ARHGAP12: variants seen among roughly 807,000 people sequenced by gnomAD.
The protein encoded by ARHGAP12 is rho GTPase-activating protein 12.
Under a neutral mutation model 108.6 loss-of-function variants are expected in ARHGAP12, and 64 were observed. That is an observed-to-expected ratio of 0.59 (90% confidence interval 0.48 to 0.73). The LOEUF is 0.73. Among genes scored for constraint, ARHGAP12 ranks in the 30% least tolerant of loss-of-function variants. ARHGAP12 has a pLI of 0.00. For synonymous variants in ARHGAP12, 312 were observed against 337.2 expected (o/e 0.93, Z 0.82); for missense variants, 940 against 1,005.9 (o/e 0.93, Z 0.89).
chr10:31,823,293 G>T (rs925146914), intron 11 of ARHGAP12, among the ~76,000 whole-genome samples: 3 of 152,126 alleles, frequency 2.0e-5, no homozygotes, highest in African/African-American at 7.2e-5. Context: ...TATGTTAAGT[G>T]ATATAGCAAT....
intron 9 of ARHGAP12, among the ~76,000 whole-genome samples, chr10:31,838,283 C>T (rs1394735644): frequency 1.3e-5 from 2 of 152,006 alleles, no homozygotes; most frequent in African/African-American, 4.8e-5. Flanking sequence ...GGTAGGACAA[C>T]AAGCAAGAAG....
intron 3 of ARHGAP12, among the ~76,000 whole-genome samples, chr10:31,897,855 A>G (rs2491272): frequency 0.46 from 70,175 of 152,038 alleles, 16,476 homozygotes; most frequent in Middle Eastern, 0.51. Context: ...GCTGGGTTCA[A>G]TGGCTCACTC....
At chr10:31,897,401 A>G (rs372804549) in intron 3 of ARHGAP12, among the ~76,000 whole-genome samples, 4 of 152,208 alleles carry the variant, frequency 2.6e-5, no homozygotes, top group Non-Finnish European at 5.9e-5. Context: ...ACAGAACACT[A>G]TCCCCTTCCC....
intron 1 of ARHGAP12, among the ~76,000 whole-genome samples, chr10:31,912,092 C>T (rs551278743): frequency 6.6e-5 from 10 of 152,326 alleles, no homozygotes; most frequent in Admixed American, 5.2e-4. Flanking sequence ...TCGTTACTTT[C>T]ATGCATTACC....
At chr10:31,913,855 G>C (rs1305297023) in intron 1 of ARHGAP12, 1 of 146,084 alleles carries the variant, frequency 6.8e-6, no homozygotes, top group South Asian at 2.2e-4. Context: ...GTCTTTTTTT[G>C]TACAGTTAAT....
chr10:31,873,935 A>G (rs1442016310), intron 3 of ARHGAP12, among the ~76,000 whole-genome samples: 1 of 152,214 alleles, frequency 6.6e-6, no homozygotes, highest in African/African-American at 2.4e-5. Context: ...ACATGCGATG[A>G]CCTGGTACAC....
chr10:31,849,781 G>A (rs998286952), intron 6 of ARHGAP12, among the ~76,000 whole-genome samples: 2 of 152,136 alleles, frequency 1.3e-5, no homozygotes, highest in African/African-American at 4.8e-5. Context: ...AGGATTCAAC[G>A]CTGGTCACAA....
At chr10:31,867,114 T>G (rs897053912) in intron 3 of ARHGAP12, among the ~76,000 whole-genome samples, 2 of 150,338 alleles carry the variant, frequency 1.3e-5, no homozygotes, top group African/African-American at 5.0e-5. Flanking sequence ...GTTTTCTTTT[T>G]TTTGTTTTTT....
rs531484244 is a variant in ARHGAP12 at position 31,852,437 on chromosome 10, A to G, written c.1170+80T>C. On this transcript the variant is annotated intron_variant, in intron 6 of 19. Coordinates refer to ENST00000344936, the MANE Select transcript of ARHGAP12 (RefSeq NM_018287.7). ...TTGTAAAAGTAGAATAAAGATCTTA[A>G]AATAAATCTGCTGAAACCATCTCCA... is the stretch of plus-strand genomic sequence containing the variant. The G allele has an allele frequency of 8.5e-5, 96 of 1,134,804 alleles. No homozygotes were observed. The African/African-American group carries it at 1.4e-3, about 16-fold the overall frequency. The allele number at this position is 1,134,804 out of a possible 1,614,324, so 70.3% of individuals were successfully genotyped here.
At chr10:31,839,584 A>C in intron 8 of ARHGAP12, 53 bp downstream of exon 8, 1 of 1,469,518 alleles carries the variant, frequency 6.8e-7, no homozygotes, top group East Asian at 2.3e-5. Context: ...AACTTGCTAA[A>C]ATTGATTGAA....
At chr10:31,898,078 C>T (rs192993097) in intron 3 of ARHGAP12, among the ~76,000 whole-genome samples, 34 of 152,190 alleles carry the variant, frequency 2.2e-4, no homozygotes, top group Admixed American at 1.6e-3. Flanking sequence ...GAGCCATGAT[C>T]GCACCACTGC....
chr10:31,918,146 G>A (rs1043430261), intron 1 of ARHGAP12, among the ~76,000 whole-genome samples: 1 of 151,800 alleles, frequency 6.6e-6, no homozygotes, highest in Non-Finnish European at 1.5e-5. Flanking sequence ...TAGAGATGAG[G>A]GTCTTGCTAT....
intron 6 of ARHGAP12, among the ~76,000 whole-genome samples, chr10:31,844,869 T>G (rs1836394897): frequency 1.3e-5 from 2 of 152,120 alleles, no homozygotes; most frequent in African/African-American, 2.4e-5. Flanking sequence ...ATATTTTGAC[T>G]CTTTATGGAT....
chr10:31,831,840 C>A (rs753259954), intron 9 of ARHGAP12, 40 bp from the exon 10 acceptor site: 3 of 1,306,076 alleles, frequency 2.3e-6, no homozygotes, highest in Non-Finnish European at 3.2e-6. Flanking sequence ...ATCACATAGA[C>A]AATGAGGTCC....
In ARHGAP12 at chr10:31,908,262, A is replaced by G. The variant is rs761407745; in HGVS notation, c.594T>C (p.Ser198=). The G allele has an allele frequency of 1.0e-4, 165 of 1,613,942 alleles. 1 individual carries two copies. Among genetic ancestry groups the G allele is most frequent in the Non-Finnish European group, 1.3e-4 (155 of 1,180,038 alleles). The change falls in exon 3 of 20, where the codon TCT becomes TCC. Residue 198 remains serine, a synonymous_variant. Transcript: ENST00000344936. ...VEKTSFSQEQ[S]CDSAGEGSER... ...CAGAGCCTTCTCCTGCGGAATCACA[A>G]GATTGTTCCTGGGAGAAGCTAGTTT... is the stretch of plus-strand genomic sequence containing the variant.
intron 3 of ARHGAP12, among the ~76,000 whole-genome samples, chr10:31,902,612 A>G (rs917267249): frequency 6.7e-6 from 1 of 148,690 alleles, no homozygotes; most frequent in East Asian, 1.9e-4. Flanking sequence ...TCAAGGTTCT[A>G]ATGAGCTACA....
intron 3 of ARHGAP12, among the ~76,000 whole-genome samples, chr10:31,896,768 T>C (rs919895113): frequency 2.0e-5 from 3 of 152,146 alleles, no homozygotes; most frequent in African/African-American, 4.8e-5. Flanking sequence ...AGCTCAGACA[T>C]GTAACAAGCT....
At chr10:31,907,656 C>T (rs1396258377) in intron 3 of ARHGAP12, among the ~76,000 whole-genome samples, 1 of 149,320 alleles carries the variant, frequency 6.7e-6, no homozygotes, top group Non-Finnish European at 1.5e-5. Context: ...AAAAAAGAAC[C>T]AGGAACACAG....
rs535831862 is a variant in ARHGAP12 at position 31,926,695 on chromosome 10, T to C, written c.-111+1988A>G. Reference sequence around the variant, plus strand: ...TTTCAGTAATATCACTTACGTAGAGTACTTAAAAATTTGTAAAGTTCACTT... The same window carrying C: ...TTTCAGTAATATCACTTACGTAGAGCACTTAAAAATTTGTAAAGTTCACTT... On this transcript the variant is annotated intron_variant, in intron 1 of 19. Transcript: ENST00000344936. Among the ~76,000 whole-genome samples, 3 of 152,322 alleles carry C rather than the reference T, an allele frequency of 2.0e-5. No individual in the cohort carries two copies. In the South Asian group the frequency reaches 6.2e-4, roughly 32 times the overall value.
Sources: gnomAD v4.1 joint callset for allele counts (sites outside exome capture counted in the v4.1 genomes callset) on GRCh38, gnomAD v4.1.1 for gene constraint, MANE v1.5 for transcripts, NCBI Gene and HGNC (gene_info 2026-07-23, HGNC 2026-07-21) for gene names.